Variants in COL6A5 observed in about 807,000 individuals in gnomAD.
COL6A5 encodes the protein collagen type VI alpha 5 chain.
COL6A5 carries 48 observed loss-of-function variants against 65.6 expected under a neutral mutation model. The ratio of observed to expected loss-of-function variants is 0.73; its 90% CI spans 0.58 to 0.93. The LOEUF (loss-of-function observed/expected upper bound fraction) is 0.93, where lower values mean the gene tolerates loss of function less well. Ranked by LOEUF, COL6A5 falls within the 40% of genes least tolerant of loss-of-function variation. The pLI is 0.00. For synonymous variants in COL6A5, 291 were observed against 322.8 expected (o/e 0.90, Z 1.05); for missense variants, 914 against 928.3 (o/e 0.98, Z 0.20).
intron 1 of COL6A5, among the ~76,000 whole-genome samples, chr3:130,365,106 A>G (rs945404567): frequency 1.3e-5 from 2 of 152,082 alleles, no homozygotes; most frequent in African/African-American, 4.8e-5. Flanking sequence ...TGTTGGATCA[A>G]TCACAGTGAC....
intron 4 of COL6A5, among the ~76,000 whole-genome samples, chr3:130,451,879 A>T (rs1437456508): frequency 6.6e-6 from 1 of 152,124 alleles, no homozygotes; most frequent in African/African-American, 2.4e-5. Context: ...TGGGATTGGT[A>T]TGTCATTAGG....
In COL6A5 at chr3:130,384,872, C is replaced by T. The variant is rs1217882044; in HGVS notation, c.1369C>T (p.Gln457Ter). Reference sequence around the variant, plus strand: ...TGGCTCAAGCAGCATCCAGGAGAAACAGTTTGAGCAAATCAAGAGATTTAT... The same window carrying T: ...TGGCTCAAGCAGCATCCAGGAGAAATAGTTTGAGCAAATCAAGAGATTTAT... Residue 457 changes from glutamine (Q) to a stop codon, truncating the protein, a stop_gained and NMD_transcript_variant, in exon 5 of 42, where the codon CAG becomes TAG. Coordinates refer to the COL6A5 transcript ENST00000312481. 1.9e-6 allele frequency: 3 copies of T among 1,550,740 alleles called. No individual in the cohort carries two copies. In the South Asian group the frequency reaches 3.6e-5, roughly 18 times the overall value.
chr3:130,436,451 G>GA (rs1013676030), intron 1 of COL6A5, among the ~76,000 whole-genome samples: 10 of 151,360 alleles, frequency 6.6e-5, no homozygotes, highest in Admixed American at 2.6e-4. Context: ...ATCTCCTAGG[G>GA]AAAAAAAACA....
At chr3:130,397,784 C>T in exon 9 of COL6A5, 1 of 1,551,666 alleles carries the variant, frequency 6.4e-7, no homozygotes, top group South Asian at 1.2e-5. Context: ...CAAGGATTCC[C>T]TGCCAAGTTC....
intron 1 of COL6A5, among the ~76,000 whole-genome samples, chr3:130,438,793 C>G (rs957518610): frequency 6.6e-6 from 1 of 152,092 alleles, no homozygotes. Flanking sequence ...CATGGTGCCT[C>G]ACATAGAGTA....
intron 4 of COL6A5, among the ~76,000 whole-genome samples, chr3:130,450,525 A>C (rs1387332303): frequency 6.6e-6 from 1 of 152,070 alleles, no homozygotes; most frequent in East Asian, 1.9e-4. Context: ...TGGGTGTCTG[A>C]TCCAATGCCT....
exon 9 of COL6A5, chr3:130,397,654 CA>C: frequency 1.3e-6 from 2 of 1,551,190 alleles, no homozygotes; most frequent in Non-Finnish European, 1.7e-6. Flanking sequence ...GTTCCAGGGC[CA>C]CCCCCAGCTG....
chr3:130,417,464 C>A (rs1937377221), intron 24 of COL6A5, among the ~76,000 whole-genome samples: 1 of 152,064 alleles, frequency 6.6e-6, no homozygotes, highest in Admixed American at 6.6e-5. Context: ...GAAACTGCCC[C>A]CTTTCCCTAG....
At position 130,405,743 on chromosome 3, in the gene COL6A5, C is replaced by T. The variant is rs1037746833; in HGVS notation, c.4353+84C>T. On this transcript the variant is annotated intron_variant and NMD_transcript_variant, in intron 14 of 41. Transcript: ENST00000312481. ...CCCCATTCCTTTCCTCCCTCATTTT[C>T]TCTCTTCCATCACTCCTCTCTCTTT... 3 of 1,157,816 alleles carry T rather than the reference C, an allele frequency of 2.6e-6. No homozygotes were observed. In the African/African-American group the frequency reaches 4.5e-5, roughly 18 times the overall value. The allele number at this position is 1,157,816 out of a possible 1,614,324, so 71.7% of individuals were successfully genotyped here.
chr3:130,469,565 T>C, intron 6 of COL6A5, 84 bp downstream of exon 38: 2 of 1,104,894 alleles, frequency 1.8e-6, no homozygotes, highest in South Asian at 3.2e-5. Flanking sequence ...AGTAAAATGA[T>C]CCTCACTTCA....
chr3:130,374,261 A>G (rs1935679416), intron 2 of COL6A5, among the ~76,000 whole-genome samples: 2 of 152,212 alleles, frequency 1.3e-5, no homozygotes, highest in Non-Finnish European at 1.5e-5. Flanking sequence ...CACCTAGGGC[A>G]TATGATACAA....
chr3:130,381,500 C>A (rs1038263806), intron 4 of COL6A5, among the ~76,000 whole-genome samples: 1 of 152,078 alleles, frequency 6.6e-6, no homozygotes, highest in Non-Finnish European at 1.5e-5. Flanking sequence ...TATTTTCTGA[C>A]ATTTAAATCC....
chr3:130,471,101 T>TGTGTGTG, intron 7 of COL6A5, 134 bp downstream of exon 39: 1 of 665,756 alleles, frequency 1.5e-6, no homozygotes, highest in Non-Finnish European at 2.7e-6. Context: ...TGTGTGTGTG[T>TGTGTGTG]TTTAAATGCT....
At chr3:130,378,952 T>A (rs571995848) in intron 3 of COL6A5, among the ~76,000 whole-genome samples, 1 of 152,312 alleles carries the variant, frequency 6.6e-6, no homozygotes, top group Non-Finnish European at 1.5e-5. Flanking sequence ...GTAAGAGATA[T>A]TTCTGCTAAC....
intron 3 of COL6A5, among the ~76,000 whole-genome samples, chr3:130,377,987 T>C (rs964587646): frequency 6.6e-6 from 1 of 152,174 alleles, no homozygotes; most frequent in Non-Finnish European, 1.5e-5. Context: ...ACTGGAGGAA[T>C]AGTGATAAGT....
chr3:130,373,757 A>C, intron 2 of COL6A5, 52 bp downstream of exon 2: 21 of 1,118,994 alleles, frequency 1.9e-5, no homozygotes, highest in South Asian at 3.0e-5. Context: ...TTTACATCTC[A>C]GTAAACTTTA....
At chr3:130,381,759 A>T (rs1389507464) in intron 4 of COL6A5, among the ~76,000 whole-genome samples, 1 of 152,056 alleles carries the variant, frequency 6.6e-6, no homozygotes, top group Non-Finnish European at 1.5e-5. Context: ...TGTTCCAATG[A>T]TATTAAAGGC....
At chr3:130,444,552 C>G (rs540378762) in intron 4 of COL6A5, among the ~76,000 whole-genome samples, 1 of 152,124 alleles carries the variant, frequency 6.6e-6, no homozygotes, top group Non-Finnish European at 1.5e-5. Context: ...CCTGACCTCC[C>G]GCAACATCTC....
At chr3:130,434,622 C>T (rs548297595) in intron 1 of COL6A5, among the ~76,000 whole-genome samples, 178 of 152,240 alleles carry the variant, frequency 1.2e-3, no homozygotes, top group African/African-American at 4.0e-3. Context: ...TTTTAATAAT[C>T]GCCATTCTGA....
Sources: allele counts gnomAD v4.1 joint callset (sites outside exome capture counted in the v4.1 genomes callset), GRCh38; gene constraint gnomAD v4.1.1; transcripts MANE v1.5; gene names NCBI Gene and HGNC (gene_info 2026-07-23, HGNC 2026-07-21).